DIP2C: variants seen among roughly 807,000 people sequenced by gnomAD.
DIP2C encodes the protein DIP2 acetate--CoA ligase C (putative).
In DIP2C, 33 loss-of-function variants were observed where a neutral mutation model predicts 192.4. The ratio of observed to expected loss-of-function variants is 0.17; its 90% CI spans 0.13 to 0.23. DIP2C has a LOEUF of 0.23. Ranked by LOEUF, DIP2C falls within the 10% of genes least tolerant of loss-of-function variation. The probability of loss-of-function intolerance (pLI) is 1.00; values close to 1 mark genes in which losing one functional copy is unlikely to be tolerated. For synonymous variants in DIP2C, 979 were observed against 864.1 expected (o/e 1.13, Z -2.33); for missense variants, 1,537 against 2,110.1 (o/e 0.73, Z 5.32).
chr10:385,222 G>A (rs185355533), intron 14 of DIP2C, among the ~76,000 whole-genome samples: 2 of 150,740 alleles, frequency 1.3e-5, no homozygotes, highest in East Asian at 2.0e-4. Context: ...AGGAGCGGTC[G>A]CACAGGACCC....
intron 1 of DIP2C, among the ~76,000 whole-genome samples, chr10:591,979 C>G (rs953541824): frequency 2.0e-5 from 3 of 152,124 alleles, no homozygotes; most frequent in African/African-American, 7.2e-5. Context: ...GAGTCTAAGT[C>G]GCCAGAAAAC....
chr10:687,905 C>T (rs1405978467), intron 1 of DIP2C, among the ~76,000 whole-genome samples: 2 of 152,212 alleles, frequency 1.3e-5, no homozygotes, highest in African/African-American at 4.8e-5. Flanking sequence ...CTCTGCTGAC[C>T]TGGATGGGGC....
rs59280971 is a variant in DIP2C, at chr10:652,196, C to T, written c.85+37298G>A. 7,118 of 167,812 alleles carry T rather than the reference C, an allele frequency of 0.042. 193 individuals carry two copies. Among genetic ancestry groups the T allele is most frequent in the East Asian group, 0.14 (737 of 5,226 alleles). 10.4% of individuals were successfully genotyped at this position (167,812 alleles called of 1,614,324 possible). A position where few individuals can be genotyped will look rare whatever the true frequency, so the allele number is the denominator to read the frequency against. Reference sequence around the variant, plus strand: ...GAGCAAAATTCAAAAACTAAAGCAGCGTTTTTCCTGCAAGTGGGCGCACTG... The same window carrying T: ...GAGCAAAATTCAAAAACTAAAGCAGTGTTTTTCCTGCAAGTGGGCGCACTG... On this transcript the variant is annotated intron_variant, in intron 1 of 36. Coordinates refer to ENST00000280886, the MANE Select transcript of DIP2C (RefSeq NM_014974.3). The surrounding 1 kb of genome is among the most constrained non-coding windows in gnomAD (Gnocchi z 4.5).
chr10:455,105 T>C (rs1056924138), intron 3 of DIP2C, among the ~76,000 whole-genome samples: 1 of 152,206 alleles, frequency 6.6e-6, no homozygotes, highest in Non-Finnish European at 1.5e-5. Context: ...CCAAGGTAGA[T>C]ACGTGGCTTC....
chr10:569,585 T>G (rs1030614101), intron 1 of DIP2C, among the ~76,000 whole-genome samples: 2 of 150,942 alleles, frequency 1.3e-5, no homozygotes, highest in African/African-American at 4.9e-5. Context: ...ATGATACTCA[T>G]TTGTTTTATA....
At position 326,993 on chromosome 10, in the gene DIP2C, C is replaced by G; in HGVS notation, c.3924+13G>C. 1 of 1,605,096 alleles carries G rather than the reference C, an allele frequency of 6.2e-7. No homozygotes were observed. Among genetic ancestry groups the G allele is most frequent in the Non-Finnish European group, 8.5e-7 (1 of 1,175,628 alleles). ...CACTTCCCACTCAGCACTGTGATGT[C>G]GCCGAATCTCACCTGCAAGCAAATC... is the stretch of plus-strand genomic sequence containing the variant. On this transcript the variant is annotated intron_variant, in intron 31 of 36. Coordinates refer to ENST00000280886, the MANE Select transcript of DIP2C (RefSeq NM_014974.3).
chr10:687,350 G>T (rs570243926), intron 1 of DIP2C, among the ~76,000 whole-genome samples: 1 of 152,234 alleles, frequency 6.6e-6, no homozygotes, highest in South Asian at 2.1e-4. Context: ...CTCAACCTGG[G>T]CAAACCCACA....
At position 369,650 on chromosome 10, in the gene DIP2C, T is replaced by C; in HGVS notation, c.1992-17A>G. ...TCCGTGGGCCTGTAATGACAGTTTT[T>C]AACTTGAATATGCAGGAGCAGATAA... is the stretch of plus-strand genomic sequence containing the variant. On this transcript the variant is annotated splice_polypyrimidine_tract_variant and intron_variant, in intron 17 of 36. Transcript: ENST00000280886. 1 of 1,614,098 alleles carries C rather than the reference T, an allele frequency of 6.2e-7. No individual in the cohort carries two copies. Among genetic ancestry groups the C allele is most frequent in the Non-Finnish European group, 8.5e-7 (1 of 1,180,014 alleles).
chr10:278,680 CAG>C (rs1160736819), intron 36 of DIP2C, among the ~76,000 whole-genome samples: 1 of 152,262 alleles, frequency 6.6e-6, no homozygotes, highest in African/African-American at 2.4e-5. Flanking sequence ...AAGATTCACT[CAG>C]AAATGTTTTA....
chr10:597,202 T>C (rs1851760334), intron 1 of DIP2C, among the ~76,000 whole-genome samples: 1 of 152,204 alleles, frequency 6.6e-6, no homozygotes, highest in Non-Finnish European at 1.5e-5. Flanking sequence ...CCGGTGCTCC[T>C]GGGTCTCAGC....
At chr10:412,740 A>G (rs1195519320) in intron 8 of DIP2C, among the ~76,000 whole-genome samples, 3 of 152,180 alleles carry the variant, frequency 2.0e-5, no homozygotes, top group Non-Finnish European at 4.4e-5. Flanking sequence ...TTTGACCTCC[A>G]TGGCTAATGT....
intron 17 of DIP2C, 136 bp from the exon 18 acceptor site, chr10:369,769 C>T (rs1056758616): frequency 8.8e-6 from 13 of 1,478,520 alleles, no homozygotes; most frequent in Non-Finnish European, 1.2e-5. Context: ...TGCTGGCTGC[C>T]CATGTGGCTG....
At chr10:653,208 G>A (rs1352255782) in intron 1 of DIP2C, among the ~76,000 whole-genome samples, 1 of 152,142 alleles carries the variant, frequency 6.6e-6, no homozygotes, top group African/African-American at 2.4e-5. Context: ...CAGCACTTTG[G>A]GAGGCCAAGG....
chr10:433,119 ATGT>A (rs760700278), intron 4 of DIP2C, among the ~76,000 whole-genome samples: 10 of 152,266 alleles, frequency 6.6e-5, no homozygotes, highest in South Asian at 2.1e-4. Flanking sequence ...TTGACTGAGG[ATGT>A]TGTTGATTTC....
At chr10:621,098 A>G (rs900733862) in intron 1 of DIP2C, among the ~76,000 whole-genome samples, 25 of 152,214 alleles carry the variant, frequency 1.6e-4, no homozygotes, top group African/African-American at 5.5e-4. Flanking sequence ...TGCAGTCTTC[A>G]GAGAGGGAGA....
At position 581,276 on chromosome 10, in the gene DIP2C, A is replaced by G. The variant is rs116588120; in HGVS notation, c.86-94746T>C. Among the ~76,000 whole-genome samples the G allele has an allele frequency of 5.2e-3, 797 of 152,292 alleles. 11 individuals carry two copies. Among genetic ancestry groups the G allele is most frequent in the African/African-American group, 0.018 (750 of 41,560 alleles). Reference sequence around the variant, plus strand: ...CAGCCCATGTGTTTGTATGTCTAAAAAGTTAATACATCCACACCCAACTTT... The same window carrying G: ...CAGCCCATGTGTTTGTATGTCTAAAGAGTTAATACATCCACACCCAACTTT... On this transcript the variant is annotated intron_variant, in intron 1 of 36. Coordinates refer to ENST00000280886, the MANE Select transcript of DIP2C (RefSeq NM_014974.3).
At chr10:422,494 G>A (rs576505144) in intron 5 of DIP2C, among the ~76,000 whole-genome samples, 5 of 152,142 alleles carry the variant, frequency 3.3e-5, no homozygotes, top group East Asian at 1.9e-4. Flanking sequence ...TGACTCCCAC[G>A]GTCAGGACGA....
intron 17 of DIP2C, among the ~76,000 whole-genome samples, chr10:370,369 G>A (rs556643455): frequency 1.3e-5 from 2 of 152,306 alleles, no homozygotes; most frequent in Admixed American, 6.5e-5. Context: ...CTTCTGTGCT[G>A]GTTCTCGCTG....
intron 17 of DIP2C, among the ~76,000 whole-genome samples, chr10:372,860 C>T (rs901433682): frequency 2.0e-5 from 3 of 152,262 alleles, no homozygotes; most frequent in Non-Finnish European, 4.4e-5. Flanking sequence ...GCCCCACCTC[C>T]CCACAGACGT....
Sources: allele counts gnomAD v4.1 joint callset (sites outside exome capture counted in the v4.1 genomes callset), GRCh38; gene constraint gnomAD v4.1.1; non-coding constraint Gnocchi (gnomAD v3.1); transcripts MANE v1.5; gene names NCBI Gene and HGNC (gene_info 2026-07-23, HGNC 2026-07-21).